VIT: variants seen among roughly 807,000 people sequenced by gnomAD.
The protein encoded by VIT is vitrin.
In VIT, 99 loss-of-function variants were observed where a neutral mutation model predicts 78.0. The ratio of observed to expected loss-of-function variants is 1.27; its 90% CI spans 1.08 to 1.50. The LOEUF is 1.50. Among genes scored for constraint, VIT ranks in the 40% most tolerant of loss-of-function variants. The pLI, the probability that VIT is intolerant of heterozygous loss-of-function variation, is 0.00. For synonymous variants in VIT, 374 were observed against 334.3 expected (o/e 1.12, Z -1.29); for missense variants, 1,126 against 875.3 (o/e 1.29, Z -3.61).
At chr2:36,745,151 T>A (rs1209802228) in intron 4 of VIT, among the ~76,000 whole-genome samples, 1 of 152,086 alleles carries the variant, frequency 6.6e-6, no homozygotes, top group Non-Finnish European at 1.5e-5. Flanking sequence ...ATTCCTGAGT[T>A]TTCTATTCTT....
chr2:36,794,319 G>C (rs112407096), intron 12 of VIT, among the ~76,000 whole-genome samples: 1,169 of 107,744 alleles, frequency 0.011, 13 homozygotes, highest in African/African-American at 0.035. Flanking sequence ...GGAAATCTTT[G>C]ATATTCCCTA....
chr2:36,715,552 A>T (rs893234515), intron 1 of VIT, among the ~76,000 whole-genome samples: 5 of 152,098 alleles, frequency 3.3e-5, no homozygotes, highest in Non-Finnish European at 5.9e-5. Flanking sequence ...AAAATAAAAA[A>T]AAAAAAGATT....
chr2:36,727,918 G>A (rs1666951835), intron 2 of VIT, among the ~76,000 whole-genome samples: 1 of 152,130 alleles, frequency 6.6e-6, no homozygotes, highest in South Asian at 2.1e-4. Flanking sequence ...TAACAACTAT[G>A]TTGCTGGCGT....
At chr2:36,753,784 G>A (rs1341107331) in intron 4 of VIT, among the ~76,000 whole-genome samples, 1 of 152,232 alleles carries the variant, frequency 6.6e-6, no homozygotes, top group East Asian at 1.9e-4. Context: ...GGAGCCCGGA[G>A]AGAAGAGAGC....
At position 36,739,875 on chromosome 2, in the gene VIT, C is replaced by T. The variant is rs377344782; in HGVS notation, c.119-3225C>T. Among the ~76,000 whole-genome samples the T allele has an allele frequency of 2.4e-4, 36 of 152,240 alleles. 1 individual carries two copies. The South Asian group carries it at 7.1e-3, about 30-fold the overall frequency. On this transcript the variant is annotated intron_variant, in intron 3 of 15. Coordinates refer to ENST00000379242, the MANE Select transcript of VIT (RefSeq NM_053276.4). ...TTTGGTGTGGACTTTCCCTCACGGACGCTAGCAACTGTCCAGTCCGGAAGG... is the reference window on the plus strand; with the variant it reads ...TTTGGTGTGGACTTTCCCTCACGGATGCTAGCAACTGTCCAGTCCGGAAGG...
In VIT at chr2:36,787,234, A is replaced by G. The variant is rs757393938; in HGVS notation, c.1016A>G (p.Asp339Gly). 1 of 1,614,016 alleles carries G rather than the reference A, an allele frequency of 6.2e-7. No individual in the cohort carries two copies. The highest frequency in any genetic ancestry group is 2.2e-5 in the East Asian group (1 of 44,896). The change falls in exon 12 of 16, where the codon GAC (aspartate) becomes GGC (glycine). Residue 339 changes from aspartate to glycine, a missense_variant. Coordinates refer to ENST00000379242, the MANE Select transcript of VIT (RefSeq NM_053276.4). ...QLLADVAQAL[D>G]IGPAGPLMGV... ...CTGGCTGATGTTGCCCAAGCTCTTG[A>G]CATTGGCCCTGCCGGTCCACTGATG...
chr2:36,705,396 G>A (rs1665352005), intron 1 of VIT, among the ~76,000 whole-genome samples: 1 of 152,174 alleles, frequency 6.6e-6, no homozygotes, highest in African/African-American at 2.4e-5. Context: ...TGTTTGCAGT[G>A]TCTCTAGAAA....
At chr2:36,797,692 A>G (rs983528553) in intron 12 of VIT, among the ~76,000 whole-genome samples, 1 of 152,246 alleles carries the variant, frequency 6.6e-6, no homozygotes, top group African/African-American at 2.4e-5. Flanking sequence ...CTTTTGGCAC[A>G]TGAATGGTCT....
chr2:36,770,283 A>T (rs1319941637), intron 7 of VIT, among the ~76,000 whole-genome samples: 1 of 152,238 alleles, frequency 6.6e-6, no homozygotes, highest in Non-Finnish European at 1.5e-5. Context: ...TAGCCAAAAC[A>T]GGAGCTACCT....
intron 9 of VIT, among the ~76,000 whole-genome samples, chr2:36,778,312 C>T (rs1228317437): frequency 6.6e-6 from 1 of 152,194 alleles, no homozygotes; most frequent in Non-Finnish European, 1.5e-5. Flanking sequence ...CACTGCCAGC[C>T]TTTACCCCTC....
intron 12 of VIT, among the ~76,000 whole-genome samples, chr2:36,793,788 T>C (rs936168289): frequency 1.3e-5 from 2 of 152,226 alleles, no homozygotes; most frequent in African/African-American, 4.8e-5. Flanking sequence ...AAAATCCATT[T>C]GAGAGGCTCA....
At chr2:36,729,320 T>G in intron 2 of VIT, 106 bp from the exon 3 acceptor site, 1 of 934,524 alleles carries the variant, frequency 1.1e-6, no homozygotes, top group Non-Finnish European at 1.6e-6. Context: ...AAATTAGTTC[T>G]GCCATGGAGA....
intron 13 of VIT, among the ~76,000 whole-genome samples, chr2:36,802,183 C>T (rs574481672): frequency 6.6e-6 from 1 of 152,290 alleles, no homozygotes; most frequent in South Asian, 2.1e-4. Context: ...TCCAGAAATT[C>T]CATTTTATGT....
chr2:36,805,673 C>A lies in VIT; in HGVS notation c.1389+9C>A. On this transcript the variant is annotated intron_variant, in intron 14 of 15. Coordinates refer to ENST00000379242, the MANE Select transcript of VIT (RefSeq NM_053276.4). ...CCAACTTTGCAAACAAGGTAGATGA[C>A]TGCCCGGAGACCTACCCAACATCAG... The A allele has an allele frequency of 2.5e-6, 4 of 1,609,920 alleles. No homozygotes were observed. Among genetic ancestry groups the A allele is most frequent in the Non-Finnish European group, 3.4e-6 (4 of 1,176,976 alleles).
chr2:36,796,208 C>G (rs929343524), intron 12 of VIT, among the ~76,000 whole-genome samples: 1 of 151,642 alleles, frequency 6.6e-6, no homozygotes, highest in African/African-American at 2.4e-5. Flanking sequence ...AAATGGTAAA[C>G]CCTTCTCAGC....
chr2:36,809,019 G>C, intron 15 of VIT, 34 bp downstream of exon 15: 1 of 1,534,316 alleles, frequency 6.5e-7, no homozygotes, highest in Non-Finnish European at 8.8e-7. Flanking sequence ...CTGGTGCTGA[G>C]GCTGCTTTCT....
intron 1 of VIT, among the ~76,000 whole-genome samples, chr2:36,714,275 C>A (rs1476019654): frequency 6.6e-6 from 1 of 152,160 alleles, no homozygotes. Flanking sequence ...ATATGCATAG[C>A]AGTGTATCAA....
intron 4 of VIT, among the ~76,000 whole-genome samples, chr2:36,752,896 A>T (rs1212970140): frequency 6.6e-6 from 1 of 152,234 alleles, no homozygotes; most frequent in Admixed American, 6.5e-5. Context: ...TATTATAAAG[A>T]TACATGCATA....
At chr2:36,800,069 G>A (rs1407657375) in intron 12 of VIT, among the ~76,000 whole-genome samples, 6 of 148,000 alleles carry the variant, frequency 4.1e-5, no homozygotes, top group South Asian at 4.3e-4. Context: ...AAAAATGGCC[G>A]GGCACGGTGG....
Sources: gnomAD v4.1 joint callset for allele counts (sites outside exome capture counted in the v4.1 genomes callset) on GRCh38, gnomAD v4.1.1 for gene constraint, MANE v1.5 for transcripts, NCBI Gene and HGNC (gene_info 2026-07-23, HGNC 2026-07-21) for gene names.